Variants in LMNB2 observed in about 807,000 individuals in gnomAD.
LMNB2 encodes the protein lamin-B2.
A neutral mutation model predicts 69.3 loss-of-function variants in LMNB2; 17 were observed. That is an observed-to-expected ratio of 0.25 (90% confidence interval 0.17 to 0.37). LMNB2 has a LOEUF of 0.37. Among genes scored for constraint, LMNB2 ranks in the 10% least tolerant of loss-of-function variants. The probability of loss-of-function intolerance (pLI) is 1.00; values close to 1 mark genes in which losing one functional copy is unlikely to be tolerated. For synonymous variants in LMNB2, 397 were observed against 389.3 expected, an observed-to-expected ratio of 1.02 and a Z score of -0.23; for missense variants, 789 against 883.6, an observed-to-expected ratio of 0.89 and a Z score of 1.36.
chr19:2,436,681 C>A, intron 4 of LMNB2: 1 of 151,068 alleles, frequency 6.6e-6, no homozygotes, highest in South Asian at 1.8e-4. Context: ...CCACGGCCAC[C>A]CTCCCGCCAC....
Position 2,453,782 on chromosome 19 carries a change from C to A in LMNB2, c.264+2888G>T, listed in dbSNP as rs1261265941. On this transcript the variant is annotated intron_variant, in intron 1 of 11. Transcript: ENST00000325327. This position sits in a 1 kb window ranked among gnomAD's most constrained non-coding sequence, Gnocchi z 4.4. The stretch of plus-strand genomic sequence containing the variant: ...AGTGGGGCTGGGGCTGGTACCTCCC[C>A]AGCACTCACCAGGCCCTGCACCCTC... Among the ~76,000 whole-genome samples the A allele has an allele frequency of 6.6e-6, 1 of 152,146 alleles. No homozygotes were observed. Among genetic ancestry groups the A allele is most frequent in the African/African-American group, 2.4e-5 (1 of 41,446 alleles).
rs1972044755 is a variant in LMNB2 at position 2,453,003 on chromosome 19, CTAATGGGGGCTGGG to C, written c.264+3653_264+3666del. Among the ~76,000 whole-genome samples the C allele has an allele frequency of 3.5e-5, 4 of 113,696 alleles. No individual in the cohort carries two copies. Among genetic ancestry groups the C allele is most frequent in the Non-Finnish European group, 5.2e-5 (3 of 57,856 alleles). 74.6% of individuals were successfully genotyped at this position (113,696 alleles called of 152,430 possible). A position where few individuals can be genotyped will look rare whatever the true frequency, so the allele number is the denominator to read the frequency against. ...TCATCCTAATGGGGGCTGGGTCATCCTAATGGGGGCTGGGTCATCCTCGTGGGGGCTGGGTCATC... is the reference window on the plus strand; with the variant it reads ...TCATCCTAATGGGGGCTGGGTCATCCTCATCCTCGTGGGGGCTGGGTCATC... On this transcript the variant is annotated intron_variant, in intron 1 of 11. Transcript: ENST00000325327. The surrounding 1 kb of genome is among the most constrained non-coding windows in gnomAD (Gnocchi z 4.4).
chr19:2,436,873 TC>T, intron 4 of LMNB2: 1 of 152,942 alleles, frequency 6.5e-6, no homozygotes, highest in Non-Finnish European at 1.5e-5. Flanking sequence ...CAGGGCCTCT[TC>T]CCGGCCCCTG....
chr19:2,434,972 G>GC (rs1568202513), intron 5 of LMNB2, 29 bp downstream of exon 5: 1 of 1,037,712 alleles, frequency 9.6e-7, no homozygotes. Context: ...CCCACCGGCC[G>GC]CCCCCGCCCA....
At chr19:2,449,331 T>C (rs1971993776) in intron 1 of LMNB2, among the ~76,000 whole-genome samples, 1 of 152,164 alleles carries the variant, frequency 6.6e-6, no homozygotes, top group Admixed American at 6.5e-5. Context: ...GCTTCCACCA[T>C]CCGGGAGTGT....
intron 1 of LMNB2, among the ~76,000 whole-genome samples, chr19:2,452,281 C>T (rs1332150650): frequency 6.6e-6 from 1 of 152,148 alleles, no homozygotes; most frequent in African/African-American, 2.4e-5. Flanking sequence ...AAGAAGTGAG[C>T]AAGTTAGCCG....
Position 2,456,861 on chromosome 19 carries a change from G to A in LMNB2, c.73C>T (p.Leu25=). The change falls in exon 1 of 12, where the codon CTG becomes TTG. Residue 25 remains leucine, a synonymous_variant. Coordinates refer to ENST00000325327, the MANE Select transcript of LMNB2 (RefSeq NM_032737.4). ...PRAAATMATP[L]PGRAGGPATP... ...GCGGGCCCGCCCGCGCGGCCGGGCA[G>A]CGGCGTGGCCATGGTGGCGGCGGCT... The A allele has an allele frequency of 8.3e-7, 1 of 1,199,472 alleles. No homozygotes were observed. The highest frequency in any genetic ancestry group is 1.0e-6 in the Non-Finnish European group (1 of 966,026). The allele number at this position is 1,199,472 out of a possible 1,614,324, so 74.3% of individuals were successfully genotyped here.
At position 2,430,838 on chromosome 19, in the gene LMNB2, A is replaced by G; in HGVS notation, c.*73T>C. 2.0e-6 allele frequency: 2 copies of G among 1,003,066 alleles called. No individual in the cohort carries two copies. The highest frequency in any genetic ancestry group is 2.0e-4 in the Middle Eastern group (1 of 4,900). 62.1% of individuals were successfully genotyped at this position (1,003,066 alleles called of 1,614,324 possible). A position where few individuals can be genotyped will look rare whatever the true frequency, so the allele number is the denominator to read the frequency against. On this transcript the variant is annotated 3_prime_UTR_variant, in exon 12 of 12. Coordinates refer to ENST00000325327, the MANE Select transcript of LMNB2 (RefSeq NM_032737.4). Reference sequence around the variant, plus strand: ...TCTCTAGAAATGTATCAAGAACTAAAGAAAGCCAATGATATAAAAATAGTT... The same window carrying G: ...TCTCTAGAAATGTATCAAGAACTAAGGAAAGCCAATGATATAAAAATAGTT...
chr19:2,448,830 G>C (rs1052586959), intron 1 of LMNB2, among the ~76,000 whole-genome samples: 1 of 152,270 alleles, frequency 6.6e-6, no homozygotes, highest in Non-Finnish European at 1.5e-5. Flanking sequence ...CCTGGCGACA[G>C]CCAGACTCCA....
At chr19:2,441,641 G>A (rs1217002935) in intron 2 of LMNB2, among the ~76,000 whole-genome samples, 2 of 152,250 alleles carry the variant, frequency 1.3e-5, no homozygotes, top group African/African-American at 4.8e-5. Flanking sequence ...CACACCAGAG[G>A]TGCATCTAGA....
At chr19:2,454,751 C>G (rs1174268406) in intron 1 of LMNB2, among the ~76,000 whole-genome samples, 1 of 152,154 alleles carries the variant, frequency 6.6e-6, no homozygotes, top group East Asian at 1.9e-4. Flanking sequence ...TGGCAGGAAT[C>G]AAGTGGGTGC....
chr19:2,439,176 G>A (rs1397659407), intron 2 of LMNB2, among the ~76,000 whole-genome samples: 1 of 150,720 alleles, frequency 6.6e-6, no homozygotes, highest in Non-Finnish European at 1.5e-5. Flanking sequence ...GAGCCACCGC[G>A]TACGGCTGAC....
chr19:2,451,947 G>T (rs901005222), intron 1 of LMNB2, among the ~76,000 whole-genome samples: 1 of 151,966 alleles, frequency 6.6e-6, no homozygotes, highest in African/African-American at 2.4e-5. Context: ...GAAGACAGAA[G>T]ATGCCGAAGC....
At chr19:2,450,178 G>C (rs1972005784) in intron 1 of LMNB2, among the ~76,000 whole-genome samples, 1 of 150,556 alleles carries the variant, frequency 6.6e-6, no homozygotes, top group African/African-American at 2.5e-5. Flanking sequence ...GCGTGACGAT[G>C]AGCAAAACAA....
intron 1 of LMNB2, among the ~76,000 whole-genome samples, chr19:2,456,061 G>A (rs1323959629): frequency 6.7e-6 from 1 of 149,874 alleles, no homozygotes; most frequent in African/African-American, 2.5e-5. Context: ...AAACCCCCTG[G>A]AGACCCCAAG....
chr19:2,435,992 T>C (rs1051070143), intron 4 of LMNB2, among the ~76,000 whole-genome samples: 1 of 151,594 alleles, frequency 6.6e-6, no homozygotes, highest in African/African-American at 2.4e-5. Context: ...CTATTAAAAA[T>C]ACAAAAATTA....
chr19:2,443,062 C>T lies in LMNB2; in HGVS notation c.401+1342G>A, dbSNP rs555338559. On this transcript the variant is annotated intron_variant, in intron 2 of 11. Transcript: ENST00000325327. The surrounding 1 kb of genome is among the most constrained non-coding windows in gnomAD (Gnocchi z 6.2). ...CACTGATGAACCTGCTTATTAAACA[C>T]GGTGGGTGCTGGAGGTAGACAGCAC... 2.0e-4 allele frequency among the ~76,000 whole-genome samples: 31 copies of T among 152,298 alleles called. No homozygotes were observed. The highest frequency in any genetic ancestry group is 3.4e-3 in the Middle Eastern group (1 of 294).
intron 2 of LMNB2, among the ~76,000 whole-genome samples, chr19:2,442,646 G>C (rs1288861030): frequency 2.0e-5 from 3 of 151,970 alleles, no homozygotes; most frequent in Admixed American, 2.0e-4. Context: ...ACTCGGGGTG[G>C]GGCTGAGGCA....
rs1171768330 is a variant in LMNB2, at chr19:2,453,106, T to C, written c.264+3564A>G. ...CCTCGTGAGGGCTGCGTCATCCTCG[T>C]GGGGGCCAGGTGATTCTCTTCTCGG... On this transcript the variant is annotated intron_variant, in intron 1 of 11. Transcript: ENST00000325327. This position sits in a 1 kb window ranked among gnomAD's most constrained non-coding sequence, Gnocchi z 4.4. Among the ~76,000 whole-genome samples the C allele has an allele frequency of 6.6e-6, 1 of 150,546 alleles. No homozygotes were observed. The highest frequency in any genetic ancestry group is 1.5e-5 in the Non-Finnish European group (1 of 67,494).
Sources: allele counts gnomAD v4.1 joint callset (sites outside exome capture counted in the v4.1 genomes callset), GRCh38; gene constraint gnomAD v4.1.1; non-coding constraint Gnocchi (gnomAD v3.1); transcripts MANE v1.5; gene names NCBI Gene and HGNC (gene_info 2026-07-23, HGNC 2026-07-21).